Variants in PPME1 observed in about 807,000 individuals in gnomAD.
PPME1 encodes the protein testicular secretory protein Li 39.
Under a neutral mutation model 56.9 loss-of-function variants are expected in PPME1, and 17 were observed. That is an observed-to-expected ratio of 0.30 (90% CI 0.20 to 0.45). The LOEUF (loss-of-function observed/expected upper bound fraction) is 0.45. PPME1 is among the 20% of genes least tolerant of loss of function. PPME1 has a pLI of 1.00. For synonymous variants in PPME1, 122 were observed against 156.2 expected, an observed-to-expected ratio of 0.78 and a Z score of 1.63; for missense variants, 357 against 483.2, an observed-to-expected ratio of 0.74 and a Z score of 2.45.
At chr11:74,235,830 T>C in intron 7 of PPME1, 71 bp from the exon 8 acceptor site, 1 of 1,552,182 alleles carries the variant, frequency 6.4e-7, no homozygotes, top group Non-Finnish European at 8.7e-7. Context: ...GTAGAATTAT[T>C]TATTTGATTC....
chr11:74,186,623 A>G (rs1017367789), intron 1 of PPME1, among the ~76,000 whole-genome samples: 2 of 152,162 alleles, frequency 1.3e-5, no homozygotes, highest in Non-Finnish European at 2.9e-5. Flanking sequence ...CTCAAATTTC[A>G]TTAAGTTATA....
chr11:74,209,514 C>G (rs1858418003), intron 3 of PPME1, among the ~76,000 whole-genome samples: 1 of 152,188 alleles, frequency 6.6e-6, no homozygotes, highest in African/African-American at 2.4e-5. Context: ...GACACACATT[C>G]ACACTGTAAA....
intron 10 of PPME1, 46 bp from the exon 11 acceptor site, chr11:74,247,033 C>T (rs373695075): frequency 2.4e-5 from 36 of 1,506,858 alleles, no homozygotes; most frequent in East Asian, 1.4e-4. Flanking sequence ...TTACTTAATA[C>T]GTGAACAGCA....
At chr11:74,251,802 T>G in intron 13 of PPME1, 87 bp downstream of exon 13, 1 of 1,529,092 alleles carries the variant, frequency 6.5e-7, no homozygotes, top group Non-Finnish European at 9.1e-7. Flanking sequence ...TATCTCTGCC[T>G]TACCCCTGCC....
rs552638797 is a variant in PPME1 at position 74,227,101 on chromosome 11, C to A, written c.398+1845C>A. Among the ~76,000 whole-genome samples, 298 of 152,232 alleles carry A rather than the reference C, an allele frequency of 2.0e-3. 1 individual carries two copies. The highest frequency in any genetic ancestry group is 4.7e-3 in the Admixed American group (72 of 15,296). On this transcript the variant is annotated intron_variant, in intron 5 of 13. Transcript: ENST00000328257. ...CACCAGAGGCACTTGGCTACAAAAACACTGGGTTGGGGAGGGCTAGAGTAC... is the reference window on the plus strand; with the variant it reads ...CACCAGAGGCACTTGGCTACAAAAAAACTGGGTTGGGGAGGGCTAGAGTAC...
chr11:74,186,369 G>A (rs562589752), intron 1 of PPME1, among the ~76,000 whole-genome samples: 2 of 152,194 alleles, frequency 1.3e-5, no homozygotes, highest in African/African-American at 4.8e-5. Flanking sequence ...GGATTTTCAG[G>A]GTGTTCATTG....
Position 74,230,483 on chromosome 11 carries a change from G to T in PPME1, c.553+84G>T. ...GATTATTACCTTGTCTTAGTTTATT[G>T]TTGATTTCATTCATCTTGAAATATG... On this transcript the variant is annotated intron_variant, in intron 6 of 13. Coordinates refer to ENST00000328257, the MANE Select transcript of PPME1 (RefSeq NM_016147.3). This position sits in a 1 kb window ranked among gnomAD's most constrained non-coding sequence, Gnocchi z 4.9. The T allele has an allele frequency of 6.9e-7, 1 of 1,452,316 alleles. No homozygotes were observed. Among genetic ancestry groups the T allele is most frequent in the South Asian group, 1.2e-5 (1 of 82,366 alleles). The allele number at this position is 1,452,316 out of a possible 1,614,324, so 90.0% of individuals were successfully genotyped here. A position where few individuals can be genotyped will look rare whatever the true frequency, so the allele number is the denominator to read the frequency against.
chr11:74,173,521 G>A (rs1032259569), intron 1 of PPME1, among the ~76,000 whole-genome samples: 1 of 151,888 alleles, frequency 6.6e-6, no homozygotes, highest in Non-Finnish European at 1.5e-5. Flanking sequence ...GTAATTTATC[G>A]TTTTTATTTT....
intron 1 of PPME1, among the ~76,000 whole-genome samples, chr11:74,179,088 G>A (rs573826581): frequency 7.2e-5 from 11 of 152,226 alleles, no homozygotes; most frequent in Non-Finnish European, 1.6e-4. Flanking sequence ...AAACCACACC[G>A]GAAGACCGAA....
At chr11:74,253,293 C>T (rs143159376) in intron 13 of PPME1, among the ~76,000 whole-genome samples, 199 bp from the exon 14 acceptor site, 33 of 152,206 alleles carry the variant, frequency 2.2e-4, no homozygotes, top group African/African-American at 7.0e-4. Context: ...TGGGGCCCTT[C>T]GACCATTTGG....
At chr11:74,235,451 C>G (rs947832801) in intron 7 of PPME1, among the ~76,000 whole-genome samples, 9 of 152,092 alleles carry the variant, frequency 5.9e-5, no homozygotes, top group African/African-American at 2.2e-4. Context: ...ATAATGTGCC[C>G]TCTGCCTAGA....
intron 3 of PPME1, among the ~76,000 whole-genome samples, chr11:74,221,756 C>T (rs1300190000): frequency 6.6e-6 from 1 of 152,010 alleles, no homozygotes; most frequent in Non-Finnish European, 1.5e-5. Flanking sequence ...AAAATTGTAC[C>T]TCCCCCATGA....
At chr11:74,216,447 T>C (rs1565386786) in intron 3 of PPME1, among the ~76,000 whole-genome samples, 1 of 152,076 alleles carries the variant, frequency 6.6e-6, no homozygotes, top group Non-Finnish European at 1.5e-5. Flanking sequence ...CAACAAATGA[T>C]AATGGAAACA....
intron 8 of PPME1, chr11:74,237,769 A>G (rs1433227132): frequency 6.6e-6 from 1 of 152,086 alleles, no homozygotes; most frequent in Non-Finnish European, 1.5e-5. Flanking sequence ...TGAGATTCAA[A>G]CTCCTGTGTA....
Position 74,247,133 on chromosome 11 carries a change from C to G in PPME1, c.1009+10C>G. 6.2e-7 allele frequency: 1 copy of G among 1,606,312 alleles called. No individual in the cohort carries two copies. The highest frequency in any genetic ancestry group is 8.5e-7 in the Non-Finnish European group (1 of 1,173,590). The stretch of plus-strand genomic sequence containing the variant: ...ATTGGCCAGATGCAAGGTAAGTTAT[C>G]AAGAAATTATACCCCTGGACCCTTT... On this transcript the variant is annotated intron_variant, in intron 11 of 13. Transcript: ENST00000328257.
intron 1 of PPME1, among the ~76,000 whole-genome samples, chr11:74,186,134 TCTTTAAGAAGGC>T (rs1857675332): frequency 6.6e-6 from 1 of 152,206 alleles, no homozygotes; most frequent in South Asian, 2.1e-4. Context: ...AAATTAGAAC[TCTTTAAGAAGGC>T]CTTCTGTATT....
intron 1 of PPME1, among the ~76,000 whole-genome samples, chr11:74,199,263 T>G (rs1858080640): frequency 6.6e-6 from 1 of 152,212 alleles, no homozygotes; most frequent in Non-Finnish European, 1.5e-5. Context: ...CCTTTGAACA[T>G]TCACTGCACT....
chr11:74,213,633 G>C (rs941269741), intron 3 of PPME1, among the ~76,000 whole-genome samples: 1 of 152,238 alleles, frequency 6.6e-6, no homozygotes, highest in African/African-American at 2.4e-5. Flanking sequence ...GCTCAGCACA[G>C]AGAGAGACCC....
chr11:74,221,263 A>T (rs1286528467), intron 3 of PPME1, among the ~76,000 whole-genome samples: 2 of 152,028 alleles, frequency 1.3e-5, no homozygotes, highest in African/African-American at 4.8e-5. Flanking sequence ...TAACATAGGG[A>T]TTTGTTTTTG....
Sources: allele counts gnomAD v4.1 joint callset (sites outside exome capture counted in the v4.1 genomes callset), GRCh38; gene constraint gnomAD v4.1.1; non-coding constraint Gnocchi (gnomAD v3.1); transcripts MANE v1.5; gene names NCBI Gene and HGNC (gene_info 2026-07-23, HGNC 2026-07-21).